Variants in BRCA1 observed in about 807,000 individuals in gnomAD.
BRCA1 encodes the protein BRCA1 DNA repair associated, also known as breast cancer type 1 susceptibility protein.
Under a neutral mutation model 173.7 loss-of-function variants are expected in BRCA1, and 140 were observed. The ratio of observed to expected loss-of-function variants is 0.81; its 90% CI spans 0.70 to 0.93. The LOEUF is 0.93. Among genes scored for constraint, BRCA1 ranks in the 40% least tolerant of loss-of-function variants. BRCA1 has a pLI of 0.00. For missense variants in BRCA1, 1,983 were observed against 2,172.5 expected, an observed-to-expected ratio of 0.91 and a Z score of 1.73; for synonymous variants, 662 against 756.0, an observed-to-expected ratio of 0.88 and a Z score of 2.04.
chr17:43,055,039 C>T (rs551153577), intron 19 of BRCA1, among the ~76,000 whole-genome samples: 17 of 152,048 alleles, frequency 1.1e-4, no homozygotes, highest in Non-Finnish European at 1.5e-4. Flanking sequence ...TGTGAGCCAC[C>T]GCGACCAGCC....
At chr17:43,103,873 G>A (rs1009327923) in intron 6 of BRCA1, among the ~76,000 whole-genome samples, 2 of 151,824 alleles carry the variant, frequency 1.3e-5, no homozygotes, top group Admixed American at 6.6e-5. Context: ...TTGGGGAGCC[G>A]AGGTGGGTGG....
intron 1 of BRCA1, chr17:43,138,345 C>G: frequency 2.3e-6 from 1 of 441,124 alleles, no homozygotes; most frequent in East Asian, 4.4e-5. Context: ...TGAAAACATT[C>G]CAGAACAAAC....
chr17:43,047,557 G>T, intron 22 of BRCA1, 86 bp downstream of exon 22: 2 of 1,292,308 alleles, frequency 1.5e-6, no homozygotes, highest in Non-Finnish European at 1.1e-6. Flanking sequence ...GCCAAGAACT[G>T]TGCTACTCAA....
chr17:43,170,134 G>C (rs1211374614), exon 1 of BRCA1: 1 of 260,138 alleles, frequency 3.8e-6, no homozygotes, highest in Non-Finnish European at 7.9e-6. Flanking sequence ...ACCGGATGAA[G>C]TGAGGGTCTC....
intron 7 of BRCA1, among the ~76,000 whole-genome samples, chr17:43,099,051 G>A (rs536678313): frequency 4.6e-4 from 69 of 148,976 alleles, no homozygotes; most frequent in Middle Eastern, 3.5e-3. Context: ...TTGAACTCCC[G>A]ACCTCAGGTG....
At chr17:43,052,217 T>C (rs74406523) in intron 19 of BRCA1, among the ~76,000 whole-genome samples, 320 of 152,356 alleles carry the variant, frequency 2.1e-3, no homozygotes, top group Non-Finnish European at 4.0e-3. Flanking sequence ...ATGAGTCACA[T>C]ATAGTTATTG....
intron 5 of BRCA1, 93 bp from the exon 6 acceptor site, chr17:43,104,354 T>C: frequency 1.5e-6 from 2 of 1,372,742 alleles, no homozygotes; most frequent in Non-Finnish European, 2.0e-6. Flanking sequence ...ATGTATGCTC[T>C]TTGTTGTGTT....
rs878854952 is a variant in BRCA1 at position 43,074,341 on chromosome 17, C to T, written c.4665G>A (p.Arg1555=). ...CAGATGAAATATTACCTAGATCTTG[C>T]CTTGGCAAGTAAGATGTTTCCGTCA... ...HDLTETSYLP[R]QDLEGTPYLE... The change falls in exon 14 of 23, where the codon AGG becomes AGA. Residue 1555 remains arginine, a synonymous_variant. Coordinates refer to ENST00000357654, the MANE Select transcript of BRCA1 (RefSeq NM_007294.4). The T allele has an allele frequency of 5.6e-6, 9 of 1,613,960 alleles. No homozygotes were observed. The highest frequency in any genetic ancestry group is 7.6e-6 in the Non-Finnish European group (9 of 1,179,900).
intron 1 of BRCA1, among the ~76,000 whole-genome samples, chr17:43,139,325 A>G (rs946485542): frequency 6.9e-6 from 1 of 145,404 alleles, no homozygotes; most frequent in African/African-American, 2.6e-5. Flanking sequence ...TGTACAGATT[A>G]TTTCGTCACC....
At chr17:43,150,871 A>G (rs1441843018) in intron 1 of BRCA1, among the ~76,000 whole-genome samples, 3 of 152,336 alleles carry the variant, frequency 2.0e-5, no homozygotes, top group East Asian at 3.9e-4. Flanking sequence ...TAGTACTAAA[A>G]GTCCTAAATC....
At chr17:43,150,532 T>C (rs1030867417) in intron 1 of BRCA1, among the ~76,000 whole-genome samples, 3 of 152,190 alleles carry the variant, frequency 2.0e-5, no homozygotes, top group East Asian at 1.9e-4. Context: ...AATGTGCTCA[T>C]GTTTCCCAAA....
At chr17:43,163,157 C>G (rs2056247041) in intron 1 of BRCA1, 1 of 152,250 alleles carries the variant, frequency 6.6e-6, no homozygotes, top group South Asian at 2.1e-4. Flanking sequence ...GCTTCTTGTG[C>G]TAACAGGGCT....
chr17:43,106,340 ACT>A (rs1385968682), intron 4 of BRCA1, 114 bp downstream of exon 4: 9 of 692,236 alleles, frequency 1.3e-5, no homozygotes, highest in Non-Finnish European at 2.2e-5. Context: ...TGTGCTAAAA[ACT>A]CTTTTATAAA....
Position 43,044,968 on chromosome 17 carries a change from T to TAAA in BRCA1, c.*709_*710insTTT. 2.1e-6 allele frequency: 1 copy of TAAA among 482,368 alleles called. No individual in the cohort carries two copies. The highest frequency in any genetic ancestry group is 2.4e-5 in the Admixed American group (1 of 42,318). 29.9% of individuals were successfully genotyped at this position (482,368 alleles called of 1,614,324 possible). Reference sequence around the variant, plus strand: ...ACAGGTGTCCACCACCATGACCGGCTAATTTCTGTATTTTTAGTAGAGATG... The same window carrying TAAA: ...ACAGGTGTCCACCACCATGACCGGCTAAAAATTTCTGTATTTTTAGTAGAGATG... On this transcript the variant is annotated 3_prime_UTR_variant, in exon 23 of 23. Coordinates refer to ENST00000357654, the MANE Select transcript of BRCA1 (RefSeq NM_007294.4).
At chr17:43,118,076 G>A (rs1019008203) in intron 2 of BRCA1, among the ~76,000 whole-genome samples, 39 of 152,030 alleles carry the variant, frequency 2.6e-4, no homozygotes, top group African/African-American at 8.0e-4. Flanking sequence ...ATGTGGGGGT[G>A]AGATGTACAT....
upstream of BRCA1, among the ~76,000 whole-genome samples, chr17:43,128,622 A>T (rs9892210): frequency 0.015 from 2,236 of 152,246 alleles, 45 homozygotes; most frequent in African/African-American, 0.051. Flanking sequence ...CTATCTTGGG[A>T]ACATGGAGTG....
chr17:43,070,916 G>A lies in BRCA1; in HGVS notation c.4986+12C>T, dbSNP rs1483380186. 1 of 1,613,768 alleles carries A rather than the reference G, an allele frequency of 6.2e-7. No homozygotes were observed. Among genetic ancestry groups the A allele is most frequent in the South Asian group, 1.1e-5 (1 of 91,074 alleles). ...TCTTAGTCATTAGGGAGATACATAT[G>A]GATACACTCACAAATTCTTCTGGGG... On this transcript the variant is annotated intron_variant, in intron 15 of 22. Transcript: ENST00000357654.
At chr17:43,053,905 A>G (rs2051353326) in intron 19 of BRCA1, among the ~76,000 whole-genome samples, 1 of 151,680 alleles carries the variant, frequency 6.6e-6, no homozygotes, top group African/African-American at 2.4e-5. Context: ...GGAGGCAGAG[A>G]TTGCGGTGAG....
intron 8 of BRCA1, among the ~76,000 whole-genome samples, chr17:43,096,376 CAAAA>C (rs71160005): frequency 5.4e-5 from 4 of 74,200 alleles, no homozygotes; most frequent in Non-Finnish European, 7.9e-5. Context: ...GACTCTGTCT[CAAAA>C]AAAAAAAAAA....
Sources: allele counts gnomAD v4.1 joint callset (sites outside exome capture counted in the v4.1 genomes callset), GRCh38; gene constraint gnomAD v4.1.1; transcripts MANE v1.5; gene names NCBI Gene and HGNC (gene_info 2026-07-23, HGNC 2026-07-21).